ARHGAP6: variants seen among roughly 807,000 people sequenced by gnomAD.
ARHGAP6 encodes the protein Rho GTPase activating protein 6, also known as rho GTPase-activating protein 6.
Under a neutral mutation model 55.7 loss-of-function variants are expected in ARHGAP6, and 16 were observed. That is an observed-to-expected ratio of 0.29 (90% CI 0.19 to 0.44). ARHGAP6 has a LOEUF of 0.44. ARHGAP6 is among the 20% of genes least tolerant of loss of function. The pLI is 1.00. For missense variants in ARHGAP6, 698 were observed against 808.9 expected, an observed-to-expected ratio of 0.86 and a Z score of 1.66; for synonymous variants, 382 against 360.9, an observed-to-expected ratio of 1.06 and a Z score of -0.66.
At chrX:11,569,558 C>T (rs2051487680) in intron 1 of ARHGAP6, among the ~76,000 whole-genome samples, 1 of 111,603 alleles carries the variant, frequency 9.0e-6, no homozygotes. Flanking sequence ...TCTGACTCTA[C>T]CACCAATGGG....
chrX:11,590,869 G>GAAAAGAAAAGAAAGAAGGAAAGAAAGAAA lies in ARHGAP6; in HGVS notation c.588+73371_588+73372insTTTCTTTCTTTCCTTCTTTCTTTTCTTTT, dbSNP rs2051813205. On this transcript the variant is annotated intron_variant, in intron 1 of 12. Coordinates refer to ENST00000337414, the MANE Select transcript of ARHGAP6 (RefSeq NM_013427.3). ...AAGAAAAGAAAAGAAAAGAAAAGAA[G>GAAAAGAAAAGAAAGAAGGAAAGAAAGAAA]GAAAGAAAGAAAGAAAGAAAGAAAG... 2.9e-4 allele frequency among the ~76,000 whole-genome samples: 7 copies of GAAAAGAAAAGAAAGAAGGAAAGAAAGAAA among 24,218 alleles called. 1 individual carries two copies. The highest frequency in any genetic ancestry group is 1.5e-3 in the African/African-American group (7 of 4,710). 21.0% of individuals were successfully genotyped at this position (24,218 alleles called of 115,157 possible). A position where few individuals can be genotyped will look rare whatever the true frequency, so the allele number is the denominator to read the frequency against.
intron 1 of ARHGAP6, among the ~76,000 whole-genome samples, chrX:11,583,386 C>T: frequency 8.9e-6 from 1 of 112,065 alleles, no homozygotes; most frequent in Admixed American, 9.5e-5. Context: ...ACAAAATAAG[C>T]CACAAGGGCT....
intron 1 of ARHGAP6, among the ~76,000 whole-genome samples, chrX:11,323,879 A>AC (rs771142496): frequency 1.0e-4 from 11 of 108,294 alleles, no homozygotes; most frequent in Non-Finnish European, 1.9e-4. Context: ...AAAAAAAAAA[A>AC]AAAAAAAAGA....
intron 1 of ARHGAP6, among the ~76,000 whole-genome samples, chrX:11,619,422 T>C (rs762982245): frequency 4.1e-4 from 46 of 112,419 alleles, no homozygotes; most frequent in African/African-American, 1.4e-3. Context: ...TTTGTTTTAA[T>C]AATTTCATTT....
At position 11,319,712 on chromosome X, in the gene ARHGAP6, C is replaced by T. The variant is rs1035543015; in HGVS notation, c.589-65005G>A. On this transcript the variant is annotated intron_variant, in intron 1 of 12. Coordinates refer to ENST00000337414, the MANE Select transcript of ARHGAP6 (RefSeq NM_013427.3). ...AAATTATAAGATACAAAAATTATTA[C>T]CATGTATATTTTTCCTCCCAGGAGA... Among the ~76,000 whole-genome samples the T allele has an allele frequency of 4.4e-5, 5 of 112,472 alleles. No individual in the cohort carries two copies. In the Admixed American group the frequency reaches 4.7e-4, roughly 11 times the overall value.
chrX:11,228,815 T>C (rs1342115266), intron 2 of ARHGAP6, among the ~76,000 whole-genome samples: 2 of 112,196 alleles, frequency 1.8e-5, no homozygotes, highest in African/African-American at 3.2e-5. Flanking sequence ...CTATGTTATA[T>C]GATACAAGCA....
At chrX:11,191,346 C>T (rs1157284236) in intron 3 of ARHGAP6, among the ~76,000 whole-genome samples, 1 of 111,679 alleles carries the variant, frequency 9.0e-6, no homozygotes, top group Non-Finnish European at 1.9e-5. Flanking sequence ...AGCAGCTACT[C>T]GACCTGCCAG....
intron 1 of ARHGAP6, among the ~76,000 whole-genome samples, chrX:11,632,253 A>G (rs770311219): frequency 8.9e-6 from 1 of 112,524 alleles, no homozygotes; most frequent in Non-Finnish European, 1.9e-5. Context: ...TAAGAAAACA[A>G]AAGTAAGGGG....
intron 2 of ARHGAP6, among the ~76,000 whole-genome samples, chrX:11,220,479 A>C (rs1040523781): frequency 2.9e-4 from 32 of 111,505 alleles, no homozygotes; most frequent in Admixed American, 8.6e-4. Flanking sequence ...GCCAATATTC[A>C]ACATTCTTAA....
At chrX:11,572,945 A>G (rs1247198396) in intron 1 of ARHGAP6, among the ~76,000 whole-genome samples, 4 of 112,101 alleles carry the variant, frequency 3.6e-5, no homozygotes, top group Non-Finnish European at 5.6e-5. Context: ...GCCAGTGATG[A>G]TACGCATTTT....
At chrX:11,627,842 G>T (rs12011927) in intron 1 of ARHGAP6, among the ~76,000 whole-genome samples, 22,018 of 111,102 alleles carry the variant, frequency 0.2, 2,305 homozygotes, top group African/African-American at 0.39. Flanking sequence ...TGATTGCTAT[G>T]GTAGACATCA....
At chrX:11,245,287 A>G (rs752999875) in intron 2 of ARHGAP6, among the ~76,000 whole-genome samples, 8 of 111,917 alleles carry the variant, frequency 7.1e-5, no homozygotes, top group Non-Finnish European at 1.3e-4. Flanking sequence ...GCTAGACCTT[A>G]AAGCCCCACA....
intron 1 of ARHGAP6, among the ~76,000 whole-genome samples, chrX:11,386,746 G>A (rs1026935842): frequency 8.9e-6 from 1 of 111,931 alleles, no homozygotes; most frequent in African/African-American, 3.2e-5. Flanking sequence ...TCTAAGGATG[G>A]AAACATGAAT....
chrX:11,329,079 C>G (rs1280971004), intron 1 of ARHGAP6, among the ~76,000 whole-genome samples: 2 of 112,049 alleles, frequency 1.8e-5, no homozygotes, highest in African/African-American at 6.5e-5. Flanking sequence ...GCAGCCCTAT[C>G]ATCTTTGCAA....
chrX:11,174,623 TTTTCTTTCTTTCTTTC>T (rs55966871), intron 8 of ARHGAP6, among the ~76,000 whole-genome samples: 1,896 of 46,631 alleles, frequency 0.041, 64 homozygotes, highest in African/African-American at 0.062. Flanking sequence ...TTTCTCTTTC[TTTTCTTTCTTTCTTTC>T]TTTCTTTCTT....
At position 11,141,768 on chromosome X, in the gene ARHGAP6, G is replaced by T. The variant is rs1013386237; in HGVS notation, c.2257+465C>A. Among the ~76,000 whole-genome samples, 6 of 111,591 alleles carry T rather than the reference G, an allele frequency of 5.4e-5. No homozygotes were observed. In the Admixed American group the frequency reaches 5.7e-4, roughly 11 times the overall value. On this transcript the variant is annotated intron_variant, in intron 12 of 12. Transcript: ENST00000337414. ...TATATTTGACGCACTTCCCTGTTTGGGATTTATAACCTTTGACTTGCTTTC... is the reference window on the plus strand; with the variant it reads ...TATATTTGACGCACTTCCCTGTTTGTGATTTATAACCTTTGACTTGCTTTC...
intron 1 of ARHGAP6, among the ~76,000 whole-genome samples, chrX:11,657,568 T>C: frequency 9.0e-6 from 1 of 110,657 alleles, no homozygotes; most frequent in Non-Finnish European, 1.9e-5. Context: ...TGGGAGGTGA[T>C]TTGTTCTGTT....
intron 1 of ARHGAP6, among the ~76,000 whole-genome samples, chrX:11,340,278 T>C (rs1042573600): frequency 1.7e-4 from 19 of 111,727 alleles, no homozygotes; most frequent in Admixed American, 1.6e-3. Context: ...CTCCCTTCAC[T>C]CACTAGACTC....
intron 1 of ARHGAP6, among the ~76,000 whole-genome samples, chrX:11,269,078 C>G (rs776126054): frequency 8.9e-6 from 1 of 111,771 alleles, no homozygotes; most frequent in East Asian, 2.8e-4. Flanking sequence ...AGCTGTCCCA[C>G]CAATTGTGGC....
Sources: gnomAD v4.1 joint callset for allele counts (sites outside exome capture counted in the v4.1 genomes callset) on GRCh38, gnomAD v4.1.1 for gene constraint, MANE v1.5 for transcripts, NCBI Gene and HGNC (gene_info 2026-07-23, HGNC 2026-07-21) for gene names.